ANO10: variants seen among roughly 807,000 people sequenced by gnomAD.
ANO10 encodes anoctamin-10.
ANO10 carries 77 observed loss-of-function variants against 74.7 expected under a neutral mutation model. The ratio of observed to expected loss-of-function variants is 1.03; its 90% CI spans 0.86 to 1.25. The LOEUF (loss-of-function observed/expected upper bound fraction) is 1.25. Ranked by LOEUF, ANO10 falls within the 50% of genes most tolerant of loss-of-function variation. The pLI is 0.00. For missense variants in ANO10, 721 were observed against 778.1 expected (o/e 0.93, Z 0.87); for synonymous variants, 279 against 284.9 (o/e 0.98, Z 0.21).
At chr3:43,409,688 C>A (rs1234382703) in intron 12 of ANO10, among the ~76,000 whole-genome samples, 3 of 152,162 alleles carry the variant, frequency 2.0e-5, no homozygotes, top group Non-Finnish European at 4.4e-5. Flanking sequence ...CCGCAAAGAA[C>A]TGGAATGAAT....
chr3:43,610,288 C>CT (rs1269598628), intron 1 of ANO10, among the ~76,000 whole-genome samples: 2 of 152,128 alleles, frequency 1.3e-5, no homozygotes, highest in Non-Finnish European at 2.9e-5. Flanking sequence ...CTGTCATCTC[C>CT]TATAACAATG....
chr3:43,653,224 A>C (rs1316548431), intron 1 of ANO10, among the ~76,000 whole-genome samples: 1 of 152,172 alleles, frequency 6.6e-6, no homozygotes, highest in African/African-American at 2.4e-5. Flanking sequence ...AGAAAAAAAA[A>C]GAAAATTATC....
upstream of ANO10, among the ~76,000 whole-genome samples, chr3:43,626,890 T>C (rs1458086107): frequency 2.6e-5 from 4 of 152,126 alleles, no homozygotes; most frequent in Admixed American, 2.0e-4. Context: ...CTCTTTAAAC[T>C]CTACAATACA....
chr3:43,532,155 A>C (rs544463501), intron 11 of ANO10, among the ~76,000 whole-genome samples: 1 of 152,312 alleles, frequency 6.6e-6, no homozygotes, highest in Admixed American at 6.5e-5. Context: ...GTAATGCAAA[A>C]GGATAAAGGT....
At chr3:43,633,226 T>C (rs1176762744) in intron 1 of ANO10, among the ~76,000 whole-genome samples, 3 of 152,226 alleles carry the variant, frequency 2.0e-5, no homozygotes, top group Admixed American at 1.3e-4. Context: ...AAAACCACAA[T>C]AACTTTTGCA....
intron 11 of ANO10, among the ~76,000 whole-genome samples, chr3:43,501,702 G>A (rs1355902226): frequency 6.6e-6 from 1 of 152,162 alleles, no homozygotes; most frequent in Non-Finnish European, 1.5e-5. Flanking sequence ...ACACAGCCCA[G>A]CATAATAATG....
In ANO10 at chr3:43,574,472, T is replaced by C. The variant is rs563496771; in HGVS notation, c.1218+337A>G. Among the ~76,000 whole-genome samples, 131 of 152,268 alleles carry C rather than the reference T, an allele frequency of 8.6e-4. 2 individuals are homozygous for C. Among genetic ancestry groups the C allele is most frequent in the Non-Finnish European group, 1.0e-4 (7 of 68,014 alleles). On this transcript the variant is annotated intron_variant, in intron 7 of 12. Coordinates refer to ENST00000292246, the MANE Select transcript of ANO10 (RefSeq NM_018075.5). ...TTTTAGTAGAGACAGGGTTTCACCA[T>C]GTTGGCCAGGCTGGTCTCGAACTCT...
At chr3:43,529,823 C>T (rs1193524158) in intron 11 of ANO10, among the ~76,000 whole-genome samples, 1 of 152,012 alleles carries the variant, frequency 6.6e-6, no homozygotes, top group Non-Finnish European at 1.5e-5. Context: ...ATAAAACTAA[C>T]TTTCCTAAAT....
At chr3:43,617,819 CAA>C (rs2083194476) in intron 1 of ANO10, among the ~76,000 whole-genome samples, 2 of 151,994 alleles carry the variant, frequency 1.3e-5, no homozygotes, top group Non-Finnish European at 2.9e-5. Flanking sequence ...ATTCCAGATT[CAA>C]AGAGAAACAG....
At chr3:43,661,543 T>A (rs1415196011) in intron 1 of ANO10, among the ~76,000 whole-genome samples, 2 of 152,178 alleles carry the variant, frequency 1.3e-5, no homozygotes, top group East Asian at 3.9e-4. Flanking sequence ...AGGATCAATT[T>A]CACACATAAC....
Position 43,561,340 on chromosome 3 carries a change from A to G in ANO10, c.1356T>C (p.Pro452=), listed in dbSNP as rs781292796. Reference sequence around the variant, plus strand: ...CACCATGCTTCCTTTGGAGCCAATAAGGAAGAAAAGATTCCATAATTTGGT... The same window carrying G: ...CACCATGCTTCCTTTGGAGCCAATAGGGAAGAAAAGATTCCATAATTTGGT... ...ILNQIMESFL[P]YWLQRKHGVR... The change falls in exon 9 of 13, where the codon CCT becomes CCC. Residue 452 remains proline (P), a synonymous_variant. Transcript: ENST00000292246. 1.9e-6 allele frequency: 3 copies of G among 1,614,190 alleles called. No individual in the cohort carries two copies. In the Admixed American group the frequency reaches 5.0e-5, roughly 27 times the overall value.
chr3:43,443,174 A>AC (rs1301706096), intron 11 of ANO10, among the ~76,000 whole-genome samples: 5 of 152,200 alleles, frequency 3.3e-5, no homozygotes, highest in Non-Finnish European at 4.4e-5. Context: ...ACAGGGAACC[A>AC]CTAATATCAC....
At chr3:43,648,711 C>T (rs1202304517) in intron 1 of ANO10, among the ~76,000 whole-genome samples, 2 of 141,098 alleles carry the variant, frequency 1.4e-5, no homozygotes, top group Non-Finnish European at 3.0e-5. Context: ...GAGTCTGGCT[C>T]TGTCGCCCAG....
At chr3:43,423,672 A>C (rs1213895679) in intron 12 of ANO10, among the ~76,000 whole-genome samples, 1 of 152,234 alleles carries the variant, frequency 6.6e-6, no homozygotes, top group African/African-American at 2.4e-5. Flanking sequence ...CAAAGGAGCC[A>C]GTATTTATTT....
chr3:43,666,197 A>G (rs551463804), intron 1 of ANO10, among the ~76,000 whole-genome samples: 6 of 152,314 alleles, frequency 3.9e-5, no homozygotes, highest in Non-Finnish European at 8.8e-5. Flanking sequence ...ATTCAAAAGA[A>G]GTACTTAATG....
chr3:43,544,483 C>G (rs781299494), intron 11 of ANO10, among the ~76,000 whole-genome samples: 113 of 151,688 alleles, frequency 7.4e-4, no homozygotes, highest in Non-Finnish European at 2.8e-4. Flanking sequence ...TGTACTAAAT[C>G]AAGCTTTAAA....
At chr3:43,577,399 C>A (rs958741526) in intron 5 of ANO10, 138 bp from the exon 6 acceptor site, 15 of 866,096 alleles carry the variant, frequency 1.7e-5, no homozygotes, top group Admixed American at 1.7e-4. Flanking sequence ...GGTGGTAAAT[C>A]TACCCTCCAT....
At chr3:43,534,436 G>C (rs1156525221) in intron 11 of ANO10, among the ~76,000 whole-genome samples, 3 of 151,810 alleles carry the variant, frequency 2.0e-5, no homozygotes, top group Non-Finnish European at 4.4e-5. Flanking sequence ...CTGTTCACGT[G>C]TATGTGAGCA....
chr3:43,675,331 A>G (rs1475057501), intron 1 of ANO10, among the ~76,000 whole-genome samples: 1 of 152,176 alleles, frequency 6.6e-6, no homozygotes, highest in African/African-American at 2.4e-5. Context: ...CTAGGCAAAG[A>G]GTTCTCAGAC....
Sources: allele counts gnomAD v4.1 joint callset (sites outside exome capture counted in the v4.1 genomes callset), GRCh38; gene constraint gnomAD v4.1.1; transcripts MANE v1.5; gene names NCBI Gene and HGNC (gene_info 2026-07-23, HGNC 2026-07-21).